RAB28: variants seen among roughly 807,000 people sequenced by gnomAD.
RAB28 encodes RAB28, member RAS oncogene family.
In RAB28, 24 loss-of-function variants were observed where a neutral mutation model predicts 31.7. The ratio of observed to expected loss-of-function variants is 0.76; its 90% CI spans 0.55 to 1.06. The LOEUF (loss-of-function observed/expected upper bound fraction) is 1.06. RAB28 is among the 50% of genes least tolerant of loss of function. The probability of loss-of-function intolerance (pLI) is 0.00; values close to 1 mark genes in which losing one functional copy is unlikely to be tolerated. For synonymous variants in RAB28, 100 were observed against 90.4 expected, an observed-to-expected ratio of 1.11 and a Z score of -0.60; for missense variants, 254 against 258.5, an observed-to-expected ratio of 0.98 and a Z score of 0.12.
chr4:13,393,401 G>A (rs539557783), intron 4 of RAB28, among the ~76,000 whole-genome samples: 16 of 152,304 alleles, frequency 1.1e-4, no homozygotes, highest in East Asian at 1.9e-4. Flanking sequence ...TTTTGTGTGC[G>A]TTAAGAAGTT....
intron 4 of RAB28, among the ~76,000 whole-genome samples, chr4:13,400,648 G>A (rs1243636443): frequency 6.6e-6 from 1 of 152,116 alleles, no homozygotes; most frequent in African/African-American, 2.4e-5. Flanking sequence ...AATCTTAGGT[G>A]GAAAGCAAAT....
At chr4:13,455,844 A>G (rs548149038) in intron 4 of RAB28, among the ~76,000 whole-genome samples, 5 of 152,144 alleles carry the variant, frequency 3.3e-5, no homozygotes, top group Non-Finnish European at 7.4e-5. Context: ...GACCAATCTG[A>G]TCTGGACAGG....
intron 6 of RAB28, chr4:13,370,011 A>T: frequency 6.4e-7 from 1 of 1,563,870 alleles, no homozygotes; most frequent in Non-Finnish European, 8.6e-7. Context: ...AAAAGAATTA[A>T]AAAAAAAAAG....
At chr4:13,427,032 G>A (rs1363747731) in intron 4 of RAB28, among the ~76,000 whole-genome samples, 1 of 152,114 alleles carries the variant, frequency 6.6e-6, no homozygotes, top group Admixed American at 6.6e-5. Flanking sequence ...GAGGTGTATA[G>A]TGTAAGAAAA....
chr4:13,484,112 C>G lies in RAB28; in HGVS notation c.39G>C (p.Leu13=). 6.2e-7 allele frequency: 1 copy of G among 1,601,816 alleles called. No homozygotes were observed. The highest frequency in any genetic ancestry group is 1.7e-5 in the Admixed American group (1 of 58,968). Residue 13 remains leucine (L), a synonymous_variant, in exon 1 of 7, where the codon CTG becomes CTC. Coordinates refer to ENST00000330852, the MANE Select transcript of RAB28 (RefSeq NM_001017979.3). ...DSEEESQDRQ[L]KIVVLGDGAS... ...CGCCGTCCCCCAGCACGACGATTTTCAGTTGCCGGTCCTGGCTCTCCTCCT... is the reference window on the plus strand; with the variant it reads ...CGCCGTCCCCCAGCACGACGATTTTGAGTTGCCGGTCCTGGCTCTCCTCCT...
chr4:13,423,049 T>C (rs1713256960), intron 4 of RAB28, among the ~76,000 whole-genome samples: 1 of 152,198 alleles, frequency 6.6e-6, no homozygotes. Context: ...CTGCGACTTA[T>C]TTTGAAATGC....
chr4:13,440,155 C>T (rs1002582020), intron 4 of RAB28, among the ~76,000 whole-genome samples: 4 of 152,006 alleles, frequency 2.6e-5, no homozygotes, highest in African/African-American at 9.7e-5. Context: ...TTTATTGTGT[C>T]CAATAGATTC....
intron 6 of RAB28, chr4:13,369,811 T>G (rs1239691094): frequency 6.7e-5 from 98 of 1,465,406 alleles, no homozygotes; most frequent in Non-Finnish European, 8.7e-5. Flanking sequence ...AAGAACAAGA[T>G]AGCATTCAAT....
At chr4:13,469,511 T>C (rs1178906181) in intron 3 of RAB28, among the ~76,000 whole-genome samples, 1 of 152,028 alleles carries the variant, frequency 6.6e-6, no homozygotes, top group Non-Finnish European at 1.5e-5. Flanking sequence ...ACTGCCTTCC[T>C]CCAACTTCAG....
At chr4:13,411,946 G>A (rs964626646) in intron 4 of RAB28, among the ~76,000 whole-genome samples, 3 of 150,196 alleles carry the variant, frequency 2.0e-5, no homozygotes, top group Non-Finnish European at 4.4e-5. Flanking sequence ...AATTATGAGA[G>A]ACAAAATGAT....
At chr4:13,455,806 C>T (rs1022459422) in intron 4 of RAB28, among the ~76,000 whole-genome samples, 3 of 152,204 alleles carry the variant, frequency 2.0e-5, no homozygotes, top group East Asian at 1.9e-4. Flanking sequence ...TACCTTTTCC[C>T]CACAAGGGGA....
chr4:13,417,583 C>T (rs1264728624), intron 4 of RAB28, among the ~76,000 whole-genome samples: 5 of 152,148 alleles, frequency 3.3e-5, no homozygotes, highest in South Asian at 2.1e-4. Context: ...CTGCAGCCTC[C>T]GCTGGTGATA....
chr4:13,423,431 G>A (rs1713289762), intron 4 of RAB28, among the ~76,000 whole-genome samples: 1 of 151,376 alleles, frequency 6.6e-6, no homozygotes, highest in South Asian at 2.1e-4. Context: ...CAGCTACTCG[G>A]GAGGCTGCAC....
chr4:13,434,566 TA>T (rs1713988259), intron 4 of RAB28, among the ~76,000 whole-genome samples: 3 of 152,316 alleles, frequency 2.0e-5, no homozygotes, highest in Non-Finnish European at 4.4e-5. Context: ...TGGCATAGTC[TA>T]TAGACAGTTC....
chr4:13,479,767 T>G (rs1256565679), intron 1 of RAB28, among the ~76,000 whole-genome samples: 1 of 151,546 alleles, frequency 6.6e-6, no homozygotes, highest in Non-Finnish European at 1.5e-5. Context: ...ATCCCCTGCT[T>G]GTCAAGATCC....
chr4:13,372,057 G>A (rs1728735623), intron 6 of RAB28, among the ~76,000 whole-genome samples: 1 of 152,054 alleles, frequency 6.6e-6, no homozygotes, highest in African/African-American at 2.4e-5. Flanking sequence ...GTTTGTCATG[G>A]CCAGGATATG....
At chr4:13,410,781 C>A (rs563742713) in intron 4 of RAB28, among the ~76,000 whole-genome samples, 1 of 152,108 alleles carries the variant, frequency 6.6e-6, no homozygotes, top group African/African-American at 2.4e-5. Flanking sequence ...AAAGAAGGTT[C>A]CATCTTCATA....
At chr4:13,451,336 T>C (rs1419279407) in intron 4 of RAB28, among the ~76,000 whole-genome samples, 2 of 151,760 alleles carry the variant, frequency 1.3e-5, no homozygotes, top group Non-Finnish European at 2.9e-5. Context: ...TGTCTTCTTT[T>C]GAAAAATGTC....
At chr4:13,430,649 G>A (rs1713760812) in intron 4 of RAB28, among the ~76,000 whole-genome samples, 1 of 152,120 alleles carries the variant, frequency 6.6e-6, no homozygotes, top group South Asian at 2.1e-4. Context: ...TGTACCCATG[G>A]TGCCACAACC....
Sources: gnomAD v4.1 joint callset for allele counts (sites outside exome capture counted in the v4.1 genomes callset) on GRCh38, gnomAD v4.1.1 for gene constraint, MANE v1.5 for transcripts, NCBI Gene and HGNC (gene_info 2026-07-23, HGNC 2026-07-21) for gene names.